LUZP2: variants seen among roughly 807,000 people sequenced by gnomAD.
LUZP2 encodes the protein leucine zipper protein 2.
In LUZP2, 52 loss-of-function variants were observed where a neutral mutation model predicts 51.6. The ratio of observed to expected loss-of-function variants is 1.01; its 90% CI spans 0.81 to 1.27. LUZP2 has a LOEUF of 1.27. Ranked by LOEUF, LUZP2 falls within the 50% of genes most tolerant of loss-of-function variation. LUZP2 has a pLI of 0.00. For synonymous variants in LUZP2, 154 were observed against 137.3 expected, an observed-to-expected ratio of 1.12 and a Z score of -0.85; for missense variants, 436 against 395.4, an observed-to-expected ratio of 1.10 and a Z score of -0.87.
chr11:24,524,832 T>C (rs1220330482), intron 1 of LUZP2, among the ~76,000 whole-genome samples: 4 of 151,670 alleles, frequency 2.6e-5, no homozygotes, highest in Non-Finnish European at 5.9e-5. Flanking sequence ...CATTACTACT[T>C]CCACTTCCTC....
At chr11:24,663,507 T>C (rs956418790) in intron 1 of LUZP2, among the ~76,000 whole-genome samples, 1 of 152,218 alleles carries the variant, frequency 6.6e-6, no homozygotes, top group African/African-American at 2.4e-5. Context: ...GAATGACTAA[T>C]ACAATAATTG....
intron 10 of LUZP2, among the ~76,000 whole-genome samples, chr11:25,066,011 C>T (rs1590892125): frequency 6.6e-6 from 1 of 151,928 alleles, no homozygotes; most frequent in Non-Finnish European, 1.5e-5. Context: ...GTAAGAGGAA[C>T]AACAATGAAA....
intron 5 of LUZP2, among the ~76,000 whole-genome samples, chr11:24,784,186 TAA>T (rs1377831300): frequency 6.6e-6 from 1 of 152,026 alleles, no homozygotes; most frequent in Non-Finnish European, 1.5e-5. Context: ...GCAAACATTT[TAA>T]GAGTTGAATC....
chr11:24,857,862 G>GGTTAGATAA (rs1441872622), intron 5 of LUZP2, among the ~76,000 whole-genome samples: 6 of 151,992 alleles, frequency 3.9e-5, no homozygotes, highest in African/African-American at 1.4e-4. Flanking sequence ...ATGTAACCTT[G>GGTTAGATAA]CTTAGATGCA....
chr11:24,603,299 A>T (rs1853807755), intron 1 of LUZP2, among the ~76,000 whole-genome samples: 1 of 151,798 alleles, frequency 6.6e-6, no homozygotes, highest in Non-Finnish European at 1.5e-5. Context: ...CTTATTTCTG[A>T]GTGACCCAAA....
intron 1 of LUZP2, among the ~76,000 whole-genome samples, chr11:24,600,187 AC>A (rs1853576563): frequency 6.5e-5 from 5 of 76,768 alleles, no homozygotes; most frequent in African/African-American, 3.0e-4. Flanking sequence ...ACACACACAC[AC>A]ACACACACAC....
intron 1 of LUZP2, among the ~76,000 whole-genome samples, chr11:24,545,448 G>A (rs906209740): frequency 6.6e-5 from 10 of 151,128 alleles, no homozygotes; most frequent in African/African-American, 2.4e-4. Flanking sequence ...GTTGATTCTT[G>A]TATACTATGT....
chr11:24,633,647 C>G (rs1448599089), intron 1 of LUZP2, among the ~76,000 whole-genome samples: 2 of 151,800 alleles, frequency 1.3e-5, no homozygotes, highest in African/African-American at 2.4e-5. Context: ...TCACAATTTA[C>G]TTTTATAAAA....
At chr11:25,001,428 T>C (rs764596200) in intron 9 of LUZP2, among the ~76,000 whole-genome samples, 4 of 152,150 alleles carry the variant, frequency 2.6e-5, no homozygotes, top group Non-Finnish European at 1.5e-5. Context: ...CTCCTAGATT[T>C]GTCAGACCTT....
intron 1 of LUZP2, among the ~76,000 whole-genome samples, chr11:24,715,290 TGTGTGTGTGTGTGTGTGC>T (rs1444310553): frequency 7.3e-6 from 1 of 136,738 alleles, no homozygotes; most frequent in Non-Finnish European, 1.7e-5. Context: ...TGTGTGTGTG[TGTGTGTGTGTGTGTGTGC>T]ATGCGTATTT....
intron 9 of LUZP2, among the ~76,000 whole-genome samples, chr11:24,991,200 A>G (rs1466738466): frequency 6.6e-6 from 1 of 151,834 alleles, no homozygotes; most frequent in Non-Finnish European, 1.5e-5. Context: ...ACTCCCACTT[A>G]TGAGTGAGAA....
At chr11:24,588,381 G>T (rs1213610809) in intron 1 of LUZP2, among the ~76,000 whole-genome samples, 1 of 152,070 alleles carries the variant, frequency 6.6e-6, no homozygotes, top group Non-Finnish European at 1.5e-5. Context: ...TGGGCTGAGT[G>T]GTCACTTGTG....
At chr11:24,519,490 A>G (rs1357683701) in intron 1 of LUZP2, among the ~76,000 whole-genome samples, 1 of 152,216 alleles carries the variant, frequency 6.6e-6, no homozygotes, top group Non-Finnish European at 1.5e-5. Context: ...ATTGAAGAAA[A>G]TAAGTATGAG....
At chr11:24,866,612 TATGCTAC>T (rs941474766) in intron 5 of LUZP2, among the ~76,000 whole-genome samples, 1 of 152,194 alleles carries the variant, frequency 6.6e-6, no homozygotes, top group African/African-American at 2.4e-5. Context: ...TGCAAAGCAC[TATGCTAC>T]AGGCAGAGAG....
chr11:25,055,453 ATTG>A (rs1203413758), intron 10 of LUZP2, among the ~76,000 whole-genome samples: 3 of 151,936 alleles, frequency 2.0e-5, no homozygotes, highest in African/African-American at 7.2e-5. Flanking sequence ...GCATTTCCAG[ATTG>A]TTAATTGCTA....
intron 5 of LUZP2, among the ~76,000 whole-genome samples, chr11:24,826,715 T>C (rs1318981027): frequency 5.9e-5 from 9 of 152,284 alleles, no homozygotes; most frequent in African/African-American, 4.8e-5. Flanking sequence ...ACTGAAGATA[T>C]ACTGCAGTGA....
chr11:24,668,486 C>A (rs935161917), intron 1 of LUZP2, among the ~76,000 whole-genome samples: 4 of 152,166 alleles, frequency 2.6e-5, no homozygotes, highest in African/African-American at 9.7e-5. Flanking sequence ...CAGAAACTAG[C>A]AACCCTTGTA....
intron 1 of LUZP2, among the ~76,000 whole-genome samples, chr11:24,628,792 C>T (rs948211329): frequency 6.6e-6 from 1 of 152,098 alleles, no homozygotes; most frequent in Non-Finnish European, 1.5e-5. Context: ...CTCCTGACCT[C>T]AAGTGATCCG....
chr11:24,919,945 A>C (rs1853978715), intron 7 of LUZP2, among the ~76,000 whole-genome samples: 2 of 151,764 alleles, frequency 1.3e-5, no homozygotes, highest in Non-Finnish European at 3.0e-5. Flanking sequence ...TGGTTAGCTA[A>C]GAAATTTTAT....
Sources: gnomAD v4.1 joint callset for allele counts (sites outside exome capture counted in the v4.1 genomes callset) on GRCh38, gnomAD v4.1.1 for gene constraint, MANE v1.5 for transcripts, NCBI Gene and HGNC (gene_info 2026-07-23, HGNC 2026-07-21) for gene names.